The following NPAS3 variants were observed in gnomAD, a reference collection of about 807,000 sequenced individuals.
NPAS3 encodes neuronal PAS domain-containing protein 3.
A neutral mutation model predicts 73.1 loss-of-function variants in NPAS3; 14 were observed. That is an observed-to-expected ratio of 0.19 (90% CI 0.13 to 0.30). The LOEUF (loss-of-function observed/expected upper bound fraction) is 0.30, where lower values mean the gene tolerates loss of function less well. NPAS3 is among the 10% of genes least tolerant of loss of function. The pLI is 1.00. For missense variants in NPAS3, 1,096 were observed against 1,250.0 expected, an observed-to-expected ratio of 0.88 and a Z score of 1.86; for synonymous variants, 620 against 541.5, an observed-to-expected ratio of 1.14 and a Z score of -2.01.
intron 4 of NPAS3, among the ~76,000 whole-genome samples, chr14:33,406,322 G>C (rs1163574361): frequency 6.6e-6 from 1 of 152,084 alleles, no homozygotes; most frequent in African/African-American, 2.4e-5. Context: ...GTGTAAAAGA[G>C]ATGGGGAGAA....
In NPAS3 at chr14:33,315,022, A is replaced by G. The variant is rs761823242; in HGVS notation, c.386-52164A>G. The stretch of plus-strand genomic sequence containing the variant: ...AATAAGTTCATATCATCAAAGGGCA[A>G]CATGGCATGATTAATAATTATCTGT... On this transcript the variant is annotated intron_variant, in intron 3 of 11. Transcript: ENST00000356141. Among the ~76,000 whole-genome samples the G allele has an allele frequency of 3.8e-4, 58 of 152,114 alleles. 2 individuals are homozygous for G. The highest frequency in any genetic ancestry group is 2.2e-4 in the Non-Finnish European group (15 of 68,006).
intron 4 of NPAS3, among the ~76,000 whole-genome samples, chr14:33,507,638 T>A (rs1224689395): frequency 6.6e-6 from 1 of 152,062 alleles, no homozygotes; most frequent in Non-Finnish European, 1.5e-5. Context: ...CTGTTCTCCC[T>A]CATTCTGAAA....
At chr14:33,360,883 C>T (rs1377333916) in intron 3 of NPAS3, among the ~76,000 whole-genome samples, 1 of 152,152 alleles carries the variant, frequency 6.6e-6, no homozygotes, top group East Asian at 1.9e-4. Flanking sequence ...CTGCATTTTC[C>T]TGAGGTTCTG....
In NPAS3 at chr14:33,582,970, G is replaced by GTTTTTTTTTTTTTT. The variant is rs55885070; in HGVS notation, c.558+22763_558+22776dup. Among the ~76,000 whole-genome samples, 149 of 93,244 alleles carry GTTTTTTTTTTTTTT rather than the reference G, an allele frequency of 1.6e-3. 11 individuals carry two copies. The highest frequency in any genetic ancestry group is 6.2e-3 in the African/African-American group (79 of 12,770). 61.2% of individuals were successfully genotyped at this position (93,244 alleles called of 152,430 possible). On this transcript the variant is annotated intron_variant, in intron 5 of 11. Coordinates refer to ENST00000356141, the Ensembl canonical transcript of NPAS3. ...TCCTTTGGACCTAGATATTTAAAGG[G>GTTTTTTTTTTTTTT]TTTTTTTTTTTTTTTTGGCTACTGG...
chr14:33,747,757 C>T (rs901996119), intron 7 of NPAS3, among the ~76,000 whole-genome samples: 12 of 152,202 alleles, frequency 7.9e-5, no homozygotes, highest in Non-Finnish European at 7.3e-5. Context: ...CCTTGACTTA[C>T]AGCAGCATTT....
rs371549501 is a variant in NPAS3 at position 33,657,874 on chromosome 14, G to T, written c.559-18337G>T. Among the ~76,000 whole-genome samples, 6 of 152,312 alleles carry T rather than the reference G, an allele frequency of 3.9e-5. No homozygotes were observed. The East Asian group carries it at 1.2e-3, about 29-fold the overall frequency. ...TGGATAACATCTAGTTCTAGGTGAG[G>T]GATGTCAAATTGACTGCAGGAAGCG... On this transcript the variant is annotated intron_variant, in intron 5 of 11. Coordinates refer to ENST00000356141, the Ensembl canonical transcript of NPAS3.
intron 5 of NPAS3, among the ~76,000 whole-genome samples, chr14:33,652,666 T>G (rs1344848391): frequency 1.3e-5 from 2 of 152,206 alleles, no homozygotes; most frequent in Non-Finnish European, 2.9e-5. Flanking sequence ...TCAGGCGCCA[T>G]GCCTTGGTTC....
At chr14:33,265,876 A>C (rs369544163) in intron 3 of NPAS3, among the ~76,000 whole-genome samples, 37 of 152,064 alleles carry the variant, frequency 2.4e-4, no homozygotes, top group Admixed American at 4.6e-4. Flanking sequence ...GATTTCCTTT[A>C]TTAGTGGCAC....
intron 4 of NPAS3, among the ~76,000 whole-genome samples, chr14:33,490,498 A>G (rs2051839824): frequency 6.6e-6 from 1 of 152,144 alleles, no homozygotes; most frequent in Non-Finnish European, 1.5e-5. Context: ...CCGTTCATTA[A>G]TCTAGAACCT....
intron 3 of NPAS3, among the ~76,000 whole-genome samples, chr14:33,256,104 A>T (rs867947141): frequency 6.6e-6 from 1 of 152,240 alleles, no homozygotes; most frequent in African/African-American, 2.4e-5. Flanking sequence ...TCTAAGTAAC[A>T]TACAGCATTT....
In NPAS3 at chr14:33,311,708, G is replaced by C. The variant is rs749038213; in HGVS notation, c.386-55478G>C. The stretch of plus-strand genomic sequence containing the variant: ...TGTACCAAATTTGGACATAATAAAA[G>C]TAAATAAATACTTGCTTTCCAGGAA... On this transcript the variant is annotated intron_variant, in intron 3 of 11. Coordinates refer to ENST00000356141, the Ensembl canonical transcript of NPAS3. Among the ~76,000 whole-genome samples the C allele has an allele frequency of 3.9e-5, 6 of 152,214 alleles. No homozygotes were observed. In the Middle Eastern group the frequency reaches 0.017, roughly 431 times the overall value.
chr14:33,750,784 C>T (rs968236373), intron 7 of NPAS3, among the ~76,000 whole-genome samples: 1 of 152,088 alleles, frequency 6.6e-6, no homozygotes, highest in African/African-American at 2.4e-5. Flanking sequence ...ATCCAGAGAG[C>T]AGAGTCTAGA....
intron 7 of NPAS3, among the ~76,000 whole-genome samples, chr14:33,746,245 G>A (rs1171401395): frequency 6.6e-6 from 1 of 151,190 alleles, no homozygotes; most frequent in African/African-American, 2.4e-5. Flanking sequence ...CTGGAGTGCA[G>A]TGGCACGATC....
intron 7 of NPAS3, among the ~76,000 whole-genome samples, chr14:33,746,854 A>G (rs2061818128): frequency 6.6e-6 from 1 of 151,698 alleles, no homozygotes; most frequent in African/African-American, 2.4e-5. Context: ...CTAACTCGTC[A>G]TCTAGCATTA....
intron 6 of NPAS3, among the ~76,000 whole-genome samples, chr14:33,697,590 G>T (rs1394717212): frequency 6.6e-6 from 1 of 152,162 alleles, no homozygotes; most frequent in East Asian, 1.9e-4. Context: ...AAAATAACTA[G>T]ATCAGATTGA....
chr14:33,164,745 A>T (rs892094378), intron 2 of NPAS3, among the ~76,000 whole-genome samples: 3 of 152,086 alleles, frequency 2.0e-5, no homozygotes, highest in Non-Finnish European at 2.9e-5. Context: ...GCGAAGTTGG[A>T]TAACTTTCCT....
chr14:33,472,802 T>C (rs2050844864), intron 4 of NPAS3, among the ~76,000 whole-genome samples: 1 of 150,288 alleles, frequency 6.7e-6, no homozygotes, highest in Non-Finnish European at 1.5e-5. Context: ...GAGGGTGGAT[T>C]AGAAGTCAAA....
At chr14:33,387,635 G>A (rs918448101) in intron 4 of NPAS3, among the ~76,000 whole-genome samples, 4 of 152,100 alleles carry the variant, frequency 2.6e-5, no homozygotes, top group African/African-American at 9.7e-5. Context: ...GCAGGAGAAG[G>A]ACAGAGCTGT....
chr14:33,479,819 C>T (rs1327555016), intron 4 of NPAS3, among the ~76,000 whole-genome samples: 1 of 152,098 alleles, frequency 6.6e-6, no homozygotes, highest in Non-Finnish European at 1.5e-5. Context: ...GTCCTTTTGA[C>T]AGGATGCAAT....
Sources: gnomAD v4.1 joint callset for allele counts (sites outside exome capture counted in the v4.1 genomes callset) on GRCh38, gnomAD v4.1.1 for gene constraint, MANE v1.5 for transcripts, NCBI Gene and HGNC (gene_info 2026-07-23, HGNC 2026-07-21) for gene names.